The following GSE1 variants were observed in gnomAD, a reference collection of about 807,000 sequenced individuals.
GSE1 encodes genetic suppressor element 1.
In GSE1, 32 loss-of-function variants were observed where a neutral mutation model predicts 112.6. The observed-to-expected ratio is 0.28, with a 90% CI of 0.21 to 0.38. GSE1 has a LOEUF of 0.38. Ranked by LOEUF, GSE1 falls within the 10% of genes least tolerant of loss-of-function variation. The pLI, the probability that GSE1 is intolerant of heterozygous loss-of-function variation, is 1.00. For synonymous variants in GSE1, 1,115 were observed against 735.6 expected (o/e 1.52, Z -8.35); for missense variants, 2,348 against 1,699.2 (o/e 1.38, Z -6.71).
At chr16:85,479,188 ATTTTTTTTTT>A (rs59825091) in intron 2 of GSE1, among the ~76,000 whole-genome samples, 3,863 of 82,516 alleles carry the variant, frequency 0.047, 236 homozygotes, top group African/African-American at 0.19. Context: ...TGCCCGGCTA[ATTTTTTTTTT>A]TTTTTTTTTT....
In GSE1 at chr16:85,296,117, G is replaced by T. The variant is rs536883135; in HGVS notation, c.2284-61346G>T. 3.0e-4 allele frequency among the ~76,000 whole-genome samples: 46 copies of T among 152,238 alleles called. No homozygotes were observed. In the South Asian group the frequency reaches 7.9e-3, roughly 26 times the overall value. On this transcript the variant is annotated intron_variant, in intron 1 of 2. Coordinates refer to the GSE1 transcript ENST00000637419. ...GGGATGAAAGCTGTTTCAAGGCTGA[G>T]GGGGGATGTGGGAGCGGAGAGGAGG... is the stretch of plus-strand genomic sequence containing the variant.
intron 2 of GSE1, among the ~76,000 whole-genome samples, chr16:85,642,881 G>A (rs2151828909): frequency 6.6e-6 from 1 of 152,260 alleles, no homozygotes; most frequent in African/African-American, 2.4e-5. Context: ...CCTGGTCAGG[G>A]CCTGTGGCTT....
In GSE1 at chr16:85,246,199, C is replaced by CCACA. The variant is rs1341285758; in HGVS notation, c.2283+74392_2283+74393insCACA. Among the ~76,000 whole-genome samples the CCACA allele has an allele frequency of 8.8e-5, 7 of 79,664 alleles. No homozygotes were observed. The South Asian group carries it at 1.8e-3, about 21-fold the overall frequency. The allele number at this position is 79,664 out of a possible 152,430, so 52.3% of individuals were successfully genotyped here. ...GCAGGATGCCCCAGCTTCAGGGACC[C>CCACA]TACACACACACACACACACACACAC... On this transcript the variant is annotated intron_variant, in intron 1 of 2. Coordinates refer to the GSE1 transcript ENST00000637419.
At chr16:85,646,186 C>T (rs1013785020) in intron 2 of GSE1, among the ~76,000 whole-genome samples, 1 of 149,736 alleles carries the variant, frequency 6.7e-6, no homozygotes, top group Non-Finnish European at 1.5e-5. Flanking sequence ...ATTCTACCTG[C>T]TTCTACCACG....
At chr16:85,371,201 C>T (rs1005181037) in intron 2 of GSE1, among the ~76,000 whole-genome samples, 1 of 152,190 alleles carries the variant, frequency 6.6e-6, no homozygotes, top group Non-Finnish European at 1.5e-5. Context: ...GCTACCAGGC[C>T]AGGGCAGGGG....
chr16:85,604,401 T>C (rs143634960), intron 1 of GSE1, among the ~76,000 whole-genome samples: 38 of 152,266 alleles, frequency 2.5e-4, no homozygotes, highest in African/African-American at 8.9e-4. Context: ...TTTCTTCATC[T>C]ATCCATCATC....
At chr16:85,208,921 CGGGGTTCGCCTGTGTT>C (rs1422601421) in intron 1 of GSE1, among the ~76,000 whole-genome samples, 1 of 124,190 alleles carries the variant, frequency 8.1e-6, no homozygotes, top group Non-Finnish European at 1.7e-5. Context: ...TGCCACGTGT[CGGGGTTCGCCTGTGTT>C]GGGGTTCGCC....
At chr16:85,640,898 C>T (rs1463471860) in intron 2 of GSE1, among the ~76,000 whole-genome samples, 1 of 151,924 alleles carries the variant, frequency 6.6e-6, no homozygotes, top group Non-Finnish European at 1.5e-5. Context: ...GTTCTCCTGG[C>T]CCGGGGGCCA....
intron 1 of GSE1, among the ~76,000 whole-genome samples, chr16:85,357,035 C>T (rs1405965101): frequency 6.6e-6 from 1 of 152,214 alleles, no homozygotes; most frequent in Non-Finnish European, 1.5e-5. Context: ...GATCTCTGGG[C>T]AAGCACCACA....
chr16:85,652,676 C>T (rs1428892710), intron 3 of GSE1, among the ~76,000 whole-genome samples: 1 of 152,162 alleles, frequency 6.6e-6, no homozygotes, highest in Non-Finnish European at 1.5e-5. Context: ...GCTGCCGGGT[C>T]ACCGTCTGCC....
At chr16:85,226,380 T>G (rs971537934) in intron 1 of GSE1, among the ~76,000 whole-genome samples, 3 of 152,168 alleles carry the variant, frequency 2.0e-5, no homozygotes, top group Admixed American at 2.0e-4. Context: ...GTGAGTTGAT[T>G]TAAGGAAAAT....
rs71153808 is a variant in GSE1 at position 85,633,013 on chromosome 16, T to TGCC, written c.8-886_8-884dup. ...GCTGCCCCTGGGCTCAGACCTCTGG[T>TGCC]GCCGCCGCCGCCGCCGCTGTCACCA... On this transcript the variant is annotated intron_variant, in intron 1 of 15. Transcript: ENST00000253458. Among the ~76,000 whole-genome samples the TGCC allele has an allele frequency of 5.7e-4, 83 of 146,162 alleles. 2 individuals carry two copies. In the South Asian group the frequency reaches 0.013, roughly 24 times the overall value.
At chr16:85,471,586 G>A (rs906796354) in intron 2 of GSE1, among the ~76,000 whole-genome samples, 2 of 151,842 alleles carry the variant, frequency 1.3e-5, no homozygotes, top group Admixed American at 1.3e-4. Context: ...TAATTTTTTT[G>A]CATTTTTTGT....
At position 85,338,809 on chromosome 16, in the gene GSE1, G is replaced by A. The variant is rs149954442; in HGVS notation, c.2284-18654G>A. ...TCACTTCCCCGTGGCCACACAGCCC[G>A]CAGTAACCGAGTCAGTGCGTGAAGC... On this transcript the variant is annotated intron_variant, in intron 1 of 2. Transcript: ENST00000637419. Among the ~76,000 whole-genome samples, 325 of 152,026 alleles carry A rather than the reference G, an allele frequency of 2.1e-3. 1 individual carries two copies. The highest frequency in any genetic ancestry group is 0.014 in the Middle Eastern group (4 of 294).
At chr16:85,464,813 C>T (rs574238179) in intron 2 of GSE1, among the ~76,000 whole-genome samples, 21 of 152,286 alleles carry the variant, frequency 1.4e-4, no homozygotes, top group Middle Eastern at 6.8e-3. Flanking sequence ...AGGAGGATGC[C>T]GGCTGGAGAG....
At chr16:85,222,849 T>G (rs1368888536) in intron 1 of GSE1, among the ~76,000 whole-genome samples, 2 of 152,202 alleles carry the variant, frequency 1.3e-5, no homozygotes, top group Non-Finnish European at 2.9e-5. Context: ...TTTGGATCCA[T>G]GCGGAGCTTC....
At chr16:85,181,389 G>A (rs2074580624) in intron 1 of GSE1, among the ~76,000 whole-genome samples, 1 of 152,262 alleles carries the variant, frequency 6.6e-6, no homozygotes, top group African/African-American at 2.4e-5. Flanking sequence ...AGGTGTGGGA[G>A]AGTGGCCAGT....
chr16:85,614,973 G>A (rs1423152659), intron 1 of GSE1, among the ~76,000 whole-genome samples: 3 of 152,244 alleles, frequency 2.0e-5, no homozygotes, highest in Non-Finnish European at 2.9e-5. Flanking sequence ...GTCTTGGTGG[G>A]GGCGTTGTGA....
exon 1 of GSE1, chr16:85,170,643 G>A (rs919927081): frequency 1.0e-4 from 101 of 985,404 alleles, no homozygotes; most frequent in Non-Finnish European, 1.1e-4. Context: ...ACATCTGCGG[G>A]GCCCCGCTGT....
Sources: gnomAD v4.1 joint callset for allele counts (sites outside exome capture counted in the v4.1 genomes callset) on GRCh38, gnomAD v4.1.1 for gene constraint, MANE v1.5 for transcripts, NCBI Gene and HGNC (gene_info 2026-07-23, HGNC 2026-07-21) for gene names.